NETO2: variants seen among roughly 807,000 people sequenced by gnomAD.
The protein encoded by NETO2 is neuropilin and tolloid like 2.
Under a neutral mutation model 62.5 loss-of-function variants are expected in NETO2, and 28 were observed. The ratio of observed to expected loss-of-function variants is 0.45; its 90% CI spans 0.33 to 0.61. NETO2 has a LOEUF of 0.61. Among genes scored for constraint, NETO2 ranks in the 20% least tolerant of loss-of-function variants. The pLI is 0.02. For synonymous variants in NETO2, 214 were observed against 219.1 expected (o/e 0.98, Z 0.21); for missense variants, 548 against 643.2 (o/e 0.85, Z 1.60).
intron 4 of NETO2, among the ~76,000 whole-genome samples, chr16:47,124,479 C>A (rs1169455962): frequency 6.6e-6 from 1 of 152,020 alleles, no homozygotes; most frequent in Non-Finnish European, 1.5e-5. Flanking sequence ...AGGTTTCTTC[C>A]AGATTTACCA....
chr16:47,136,782 A>G (rs914615748), intron 1 of NETO2, among the ~76,000 whole-genome samples: 3 of 152,192 alleles, frequency 2.0e-5, no homozygotes, highest in Non-Finnish European at 4.4e-5. Flanking sequence ...TTCTGGGATA[A>G]CATATTAATT....
chr16:47,110,679 T>G (rs924571655), intron 6 of NETO2, among the ~76,000 whole-genome samples: 2 of 152,198 alleles, frequency 1.3e-5, no homozygotes, highest in African/African-American at 4.8e-5. Context: ...AAGATTACCT[T>G]TGAATTGCCA....
chr16:47,086,412 A>AT (rs1963191320), intron 7 of NETO2, 73 bp from the exon 8 acceptor site: 2 of 956,692 alleles, frequency 2.1e-6, no homozygotes, highest in South Asian at 2.7e-5. Context: ...AACAAATCTG[A>AT]CTTTATAAGA....
intron 7 of NETO2, among the ~76,000 whole-genome samples, chr16:47,095,520 T>C (rs1032844312): frequency 2.6e-5 from 4 of 152,172 alleles, no homozygotes; most frequent in Admixed American, 6.5e-5. Flanking sequence ...TGCAAATAGT[T>C]GCTAAAAGAC....
chr16:47,126,943 G>GT (rs1964169700), intron 4 of NETO2, among the ~76,000 whole-genome samples: 1 of 152,142 alleles, frequency 6.6e-6, no homozygotes, highest in African/African-American at 2.4e-5. Flanking sequence ...GCAAACATCT[G>GT]TTTTTCAGGC....
intron 6 of NETO2, among the ~76,000 whole-genome samples, chr16:47,119,144 TTTTTTC>T (rs1208097548): frequency 2.0e-5 from 3 of 151,622 alleles, no homozygotes; most frequent in African/African-American, 7.3e-5. Flanking sequence ...TTATTTATGT[TTTTTTC>T]TTTTTCTTTT....
At chr16:47,112,763 A>G in intron 6 of NETO2, among the ~76,000 whole-genome samples, 1 of 152,262 alleles carries the variant, frequency 6.6e-6, no homozygotes, top group African/African-American at 2.4e-5. Flanking sequence ...TAAAAGCAAT[A>G]CAACATTCTT....
intron 8 of NETO2, among the ~76,000 whole-genome samples, chr16:47,085,585 T>C (rs1321739908): frequency 2.0e-5 from 3 of 151,734 alleles, no homozygotes; most frequent in Admixed American, 1.3e-4. Flanking sequence ...GGTTTCACCA[T>C]GTTAGCCAGG....
intron 1 of NETO2, among the ~76,000 whole-genome samples, chr16:47,140,247 C>A (rs959354894): frequency 3.9e-5 from 6 of 152,104 alleles, no homozygotes; most frequent in African/African-American, 1.2e-4. Context: ...GATTAGACCA[C>A]CTCTTAAGAT....
In NETO2 at chr16:47,083,178, G is replaced by A. The variant is rs371748833; in HGVS notation, c.*43C>T. ...AACAGTATGGTGCCCTGGAGGCTGC[G>A]TACGTACACACCCTAAGAATTCACA... On this transcript the variant is annotated 3_prime_UTR_variant, in exon 9 of 9. Transcript: ENST00000562435. 39 of 1,534,160 alleles carry A rather than the reference G, an allele frequency of 2.5e-5. No homozygotes were observed. In the South Asian group the frequency reaches 2.7e-4, roughly 11 times the overall value.
intron 7 of NETO2, among the ~76,000 whole-genome samples, chr16:47,097,026 C>T (rs145491976): frequency 4.2e-4 from 64 of 152,308 alleles, no homozygotes; most frequent in East Asian, 1.9e-3. Flanking sequence ...CTTCACAACC[C>T]GCAGACCAGG....
At chr16:47,089,193 C>T (rs942250589) in intron 7 of NETO2, among the ~76,000 whole-genome samples, 5 of 152,150 alleles carry the variant, frequency 3.3e-5, no homozygotes, top group African/African-American at 1.2e-4. Flanking sequence ...GAGTACTCAG[C>T]GGCTGCAGTT....
In NETO2 at chr16:47,143,792, G is replaced by C; in HGVS notation, c.-180C>G. ...GCCCGCCATGCCCGAGCCCCACAGT[G>C]GGCTCCCGCGCGGCCCGAGCACCCC... is the stretch of plus-strand genomic sequence containing the variant. On this transcript the variant is annotated 5_prime_UTR_variant, in exon 1 of 9. Transcript: ENST00000562435. 1 of 848,028 alleles carries C rather than the reference G, an allele frequency of 1.2e-6. No individual in the cohort carries two copies. Among genetic ancestry groups the C allele is most frequent in the Non-Finnish European group, 1.5e-6 (1 of 650,084 alleles). 52.5% of individuals were successfully genotyped at this position (848,028 alleles called of 1,614,324 possible).
In NETO2 at chr16:47,086,318, A is replaced by G; in HGVS notation, c.905T>C (p.Phe302Ser). The change falls in exon 8 of 9, where the codon TTC (phenylalanine) becomes TCC (serine). Residue 302 changes from phenylalanine (F) to serine (S), a missense_variant. Physicochemically the swap from Phe to Ser is radical, Grantham distance 155. Transcript: ENST00000562435. ...FVEPPCTSST[F>S]FCHSNMCINN... The stretch of plus-strand genomic sequence containing the variant: ...GATGCACATGTTGCTATGGCAAAAG[A>G]AAGTGCTGCTTGTGCAGGGAGCTGC... 1.2e-6 allele frequency: 2 copies of G among 1,613,874 alleles called. No homozygotes were observed. The highest frequency in any genetic ancestry group is 1.7e-6 in the Non-Finnish European group (2 of 1,179,838).
At chr16:47,132,953 C>T (rs1162771888) in intron 1 of NETO2, among the ~76,000 whole-genome samples, 4 of 152,072 alleles carry the variant, frequency 2.6e-5, no homozygotes, top group South Asian at 4.1e-4. Flanking sequence ...ATGGAGATGA[C>T]GTATAAATAG....
chr16:47,128,249 C>A, intron 4 of NETO2, 76 bp downstream of exon 4: 3 of 1,503,948 alleles, frequency 2.0e-6, no homozygotes, highest in Non-Finnish European at 2.7e-6. Context: ...AAATTAATCT[C>A]TTTTCTAACC....
At chr16:47,130,887 GA>G (rs886069397) in intron 2 of NETO2, among the ~76,000 whole-genome samples, 2 of 152,024 alleles carry the variant, frequency 1.3e-5, no homozygotes, top group Non-Finnish European at 2.9e-5. Context: ...ACCCTTTACA[GA>G]AAAAGTGTTC....
At chr16:47,096,595 C>T (rs750855650) in intron 7 of NETO2, among the ~76,000 whole-genome samples, 1 of 151,932 alleles carries the variant, frequency 6.6e-6, no homozygotes, top group Admixed American at 6.6e-5. Flanking sequence ...ATAATGAAGC[C>T]AAAGAAAATC....
chr16:47,116,112 C>G (rs1444909036), intron 6 of NETO2, among the ~76,000 whole-genome samples: 1 of 149,870 alleles, frequency 6.7e-6, no homozygotes, highest in African/African-American at 2.4e-5. Context: ...GTTTTCACCA[C>G]TAAGTATGGT....
Sources: allele counts gnomAD v4.1 joint callset (sites outside exome capture counted in the v4.1 genomes callset), GRCh38; gene constraint gnomAD v4.1.1; transcripts MANE v1.5; gene names NCBI Gene and HGNC (gene_info 2026-07-23, HGNC 2026-07-21).